DNAH3: variants seen among roughly 807,000 people sequenced by gnomAD.
DNAH3 encodes axonemal beta dynein heavy chain 3.
DNAH3 carries 332 observed loss-of-function variants against 432.5 expected under a neutral mutation model. The ratio of observed to expected loss-of-function variants is 0.77; its 90% CI spans 0.70 to 0.84. The LOEUF is 0.84. Ranked by LOEUF, DNAH3 falls within the 40% of genes least tolerant of loss-of-function variation. The pLI, the probability that DNAH3 is intolerant of heterozygous loss-of-function variation, is 0.00. For missense variants in DNAH3, 4,861 were observed against 5,114.0 expected, an observed-to-expected ratio of 0.95 and a Z score of 1.51; for synonymous variants, 1,956 against 1,900.2, an observed-to-expected ratio of 1.03 and a Z score of -0.76.
At chr16:21,111,844 G>C (rs769954340) in intron 13 of DNAH3, 40 bp from the exon 14 acceptor site, 2 of 1,602,142 alleles carry the variant, frequency 1.2e-6, no homozygotes, top group East Asian at 4.5e-5. Context: ...ATTTGCCCTT[G>C]AGCCTCTCCC....
At chr16:21,079,077 C>T (rs2091082237) in intron 20 of DNAH3, among the ~76,000 whole-genome samples, 1 of 152,196 alleles carries the variant, frequency 6.6e-6, no homozygotes, top group South Asian at 2.1e-4. Context: ...ATAAGAATAG[C>T]TGTATGTTTA....
exon 53 of DNAH3, chr16:20,964,788 G>T (rs753328076): frequency 6.2e-7 from 1 of 1,614,128 alleles, no homozygotes; most frequent in Non-Finnish European, 8.5e-7. Flanking sequence ...AGCCAGGGAT[G>T]ACCTTGTCCT....
chr16:21,139,100 C>A (rs910453571), intron 5 of DNAH3, among the ~76,000 whole-genome samples: 2 of 152,012 alleles, frequency 1.3e-5, no homozygotes, highest in Non-Finnish European at 2.9e-5. Flanking sequence ...TTTTATTGTT[C>A]TTTTAAGACG....
intron 49 of DNAH3, among the ~76,000 whole-genome samples, chr16:20,981,247 G>A (rs1045678064): frequency 3.3e-5 from 5 of 152,182 alleles, no homozygotes; most frequent in Non-Finnish European, 7.3e-5. Flanking sequence ...CCAGTTGGAT[G>A]TCATTGGAAA....
intron 10 of DNAH3, 119 bp downstream of exon 11, chr16:21,121,826 C>T: frequency 1.3e-6 from 1 of 767,554 alleles, no homozygotes; most frequent in Non-Finnish European, 2.0e-6. Flanking sequence ...GGATATATCT[C>T]CAAAGTGAAG....
intron 39 of DNAH3, among the ~76,000 whole-genome samples, chr16:21,023,280 G>A (rs914499889): frequency 2.0e-5 from 3 of 152,136 alleles, no homozygotes; most frequent in African/African-American, 7.2e-5. Context: ...TAGTGCTGGG[G>A]ATAAACAATG....
chr16:21,065,317 C>T (rs916593259), intron 24 of DNAH3, among the ~76,000 whole-genome samples: 6 of 152,066 alleles, frequency 3.9e-5, no homozygotes, highest in African/African-American at 1.2e-4. Context: ...CCCACCACCA[C>T]GCCCAGCTGA....
At chr16:21,022,210 T>A in intron 39 of DNAH3, 110 bp from the exon 40 acceptor site, 2 of 1,149,566 alleles carry the variant, frequency 1.7e-6, no homozygotes, top group Non-Finnish European at 2.5e-6. Context: ...ACTGCTGATT[T>A]AAATGTAGGT....
At position 20,947,026 on chromosome 16, in the gene DNAH3, C is replaced by G. The variant is rs187012717; in HGVS notation, c.11343+1457G>C. Among the ~76,000 whole-genome samples, 31 of 151,802 alleles carry G rather than the reference C, an allele frequency of 2.0e-4. No homozygotes were observed. In the East Asian group the frequency reaches 6.0e-3, roughly 29 times the overall value. Reference sequence around the variant, plus strand: ...TTTTAGTAGAGACAGAATTTCACCACATTGGCCAGGCTGGTCTCAAACTCC... The same window carrying G: ...TTTTAGTAGAGACAGAATTTCACCAGATTGGCCAGGCTGGTCTCAAACTCC... On this transcript the variant is annotated intron_variant, in intron 57 of 61. Transcript: ENST00000261383.
rs921526229 is a variant in DNAH3, at chr16:20,941,656, T to C, written c.11512-113A>G. On this transcript the variant is annotated intron_variant, in intron 58 of 61. Transcript: ENST00000261383. ...TTTTCAAATGTATTCTGTGGGACTT[T>C]CCTGAGAACTCTCCAACAGAAGCCA... The C allele has an allele frequency of 3.8e-6, 5 of 1,318,534 alleles. No homozygotes were observed. In the African/African-American group the frequency reaches 4.4e-5, roughly 12 times the overall value. The allele number at this position is 1,318,534 out of a possible 1,614,324, so 81.7% of individuals were successfully genotyped here.
At chr16:20,988,526 A>C (rs1279415645) in intron 44 of DNAH3, among the ~76,000 whole-genome samples, 5 of 152,324 alleles carry the variant, frequency 3.3e-5, no homozygotes, top group South Asian at 2.1e-4. Context: ...GAGATTCTCC[A>C]GCCTCAGCCT....
chr16:21,087,000 G>A (rs767766830), exon 19 of DNAH3: 1 of 1,614,152 alleles, frequency 6.2e-7, no homozygotes, highest in South Asian at 1.1e-5. Context: ...TTTATACGTT[G>A]TCCTCCACAT....
At chr16:21,018,737 A>T (rs1479567340) in intron 41 of DNAH3, among the ~76,000 whole-genome samples, 1 of 152,134 alleles carries the variant, frequency 6.6e-6, no homozygotes, top group Non-Finnish European at 1.5e-5. Context: ...TCTACTAAAA[A>T]TACAAAAATT....
At chr16:21,127,962 G>A in intron 7 of DNAH3, 150 bp from the exon 9 acceptor site, 1 of 977,148 alleles carries the variant, frequency 1.0e-6, no homozygotes, top group East Asian at 2.6e-5. Flanking sequence ...TGCTGAGGAG[G>A]ATATGGGAGG....
chr16:21,146,324 G>A (rs1017448788), intron 1 of DNAH3, among the ~76,000 whole-genome samples: 1 of 152,148 alleles, frequency 6.6e-6, no homozygotes, highest in African/African-American at 2.4e-5. Flanking sequence ...GAGAGGCCAG[G>A]GAGGGTGGAT....
intron 25 of DNAH3, among the ~76,000 whole-genome samples, chr16:21,062,206 T>G (rs559021074): frequency 1.3e-5 from 2 of 152,290 alleles, no homozygotes; most frequent in South Asian, 4.2e-4. Flanking sequence ...ATCGGCTGTT[T>G]GGATCTGATT....
At chr16:20,933,617 A>G (rs975925588) in intron 61 of DNAH3, 110 bp from the exon 62 acceptor site, 15 of 818,300 alleles carry the variant, frequency 1.8e-5, no homozygotes, top group Non-Finnish European at 2.8e-5. Context: ...TGCAATATCT[A>G]CCTCTCCCAG....
intron 53 of DNAH3, among the ~76,000 whole-genome samples, chr16:20,961,877 C>A (rs1247152879): frequency 6.6e-6 from 1 of 151,000 alleles, no homozygotes; most frequent in Non-Finnish European, 1.5e-5. Flanking sequence ...ATTCTCCTGC[C>A]TCAGCCTCCC....
intron 58 of DNAH3, among the ~76,000 whole-genome samples, chr16:20,942,751 T>G (rs2083872951): frequency 6.6e-6 from 1 of 152,072 alleles, no homozygotes; most frequent in African/African-American, 2.4e-5. Flanking sequence ...CTCTCTTCAT[T>G]TGTAGACTTA....
Sources: gnomAD v4.1 joint callset for allele counts (sites outside exome capture counted in the v4.1 genomes callset) on GRCh38, gnomAD v4.1.1 for gene constraint, MANE v1.5 for transcripts, NCBI Gene and HGNC (gene_info 2026-07-23, HGNC 2026-07-21) for gene names.